The following CARS1 variants were observed in gnomAD, a reference collection of about 807,000 sequenced individuals.
CARS1 encodes cysteine--tRNA ligase, cytoplasmic.
CARS1 carries 48 observed loss-of-function variants against 106.2 expected under a neutral mutation model. That is an observed-to-expected ratio of 0.45 (90% confidence interval 0.36 to 0.57). The LOEUF (loss-of-function observed/expected upper bound fraction) is 0.57. Among genes scored for constraint, CARS1 ranks in the 20% least tolerant of loss-of-function variants. The pLI is 0.00. For synonymous variants in CARS1, 409 were observed against 403.4 expected (o/e 1.01, Z -0.17); for missense variants, 968 against 1,057.2 (o/e 0.92, Z 1.17).
Position 3,001,988 on chromosome 11 carries a change from G to A in CARS1, c.2343C>T (p.Tyr781=). The A allele has an allele frequency of 6.2e-7, 1 of 1,613,166 alleles. No individual in the cohort carries two copies. Among genetic ancestry groups the A allele is most frequent in the Non-Finnish European group, 8.5e-7 (1 of 1,179,186 alleles). ...TGCTTACATTTTCATCAAACTTGGA[G>A]TATTTGTCGGTTTCTGACAAGAACA... ...SEMFLSETDK[Y]SKFDENGLPT... Residue 781 remains tyrosine, a synonymous_variant, in exon 22 of 23, where the codon TAC becomes TAT. Coordinates refer to ENST00000380525, the MANE Select transcript of CARS1 (RefSeq NM_001014437.3).
intron 1 of CARS1, among the ~76,000 whole-genome samples, chr11:3,049,800 G>A (rs947947235): frequency 2.6e-5 from 4 of 152,260 alleles, no homozygotes; most frequent in Admixed American, 6.5e-5. Flanking sequence ...CCCCATCTCC[G>A]TGTTTACTCC....
At position 3,000,979 on chromosome 11, in the gene CARS1, G is replaced by A. The variant is rs919910571; in HGVS notation, c.*135C>T. ...AATGTCTCAGAGCCAACGACGACAC[G>A]AACCTACATGAACACAACTCTTAAT... On this transcript the variant is annotated 3_prime_UTR_variant, in exon 23 of 23. Transcript: ENST00000380525. The surrounding 1 kb of genome is among the most constrained non-coding windows in gnomAD (Gnocchi z 7.1). 1.0e-5 allele frequency: 10 copies of A among 979,730 alleles called. No individual in the cohort carries two copies. Among genetic ancestry groups the A allele is most frequent in the East Asian group, 7.2e-5 (3 of 41,516 alleles). 60.7% of individuals were successfully genotyped at this position (979,730 alleles called of 1,614,324 possible).
Position 3,034,976 on chromosome 11 carries a change from A to G in CARS1, c.801+3074T>C, listed in dbSNP as rs1453854927. Among the ~76,000 whole-genome samples the G allele has an allele frequency of 1.3e-5, 2 of 152,114 alleles. No homozygotes were observed. The highest frequency in any genetic ancestry group is 1.9e-4 in the East Asian group (1 of 5,198). The stretch of plus-strand genomic sequence containing the variant: ...GTCCCAAGGTGGCGCAGAGCATCAC[A>G]TGGCCAGGGGGCTCATGAGGGCCAA... On this transcript the variant is annotated intron_variant, in intron 7 of 22. Coordinates refer to ENST00000380525, the MANE Select transcript of CARS1 (RefSeq NM_001014437.3). The surrounding 1 kb of genome is among the most constrained non-coding windows in gnomAD (Gnocchi z 6.3).
In CARS1 at chr11:3,029,605, G is replaced by A; in HGVS notation, c.802-162C>T. Reference sequence around the variant, plus strand: ...GGGAGACTGTGATGCTTACACAACTGGCTCGGCAGGGACAAATACAAGACT... The same window carrying A: ...GGGAGACTGTGATGCTTACACAACTAGCTCGGCAGGGACAAATACAAGACT... On this transcript the variant is annotated intron_variant, in intron 7 of 22. Coordinates refer to ENST00000380525, the MANE Select transcript of CARS1 (RefSeq NM_001014437.3). This position sits in a 1 kb window ranked among gnomAD's most constrained non-coding sequence, Gnocchi z 5.9. 2 of 667,798 alleles carry A rather than the reference G, an allele frequency of 3.0e-6. No homozygotes were observed. The highest frequency in any genetic ancestry group is 2.7e-5 in the East Asian group (1 of 36,522). The allele number at this position is 667,798 out of a possible 1,614,324, so 41.4% of individuals were successfully genotyped here.
At chr11:3,036,690 TGAAA>T (rs955534151) in intron 7 of CARS1, among the ~76,000 whole-genome samples, 6 of 152,108 alleles carry the variant, frequency 3.9e-5, no homozygotes, top group Non-Finnish European at 7.4e-5. Flanking sequence ...CCAAAAGAAG[TGAAA>T]GCAGGAACCC....
At chr11:3,002,089 A>C in intron 21 of CARS1, 36 bp from the exon 22 acceptor site, 1 of 1,415,352 alleles carries the variant, frequency 7.1e-7, no homozygotes, top group Non-Finnish European at 1.0e-6. Flanking sequence ...ACTGCCCCCG[A>C]GCAGCACCTG....
chr11:3,054,309 G>A (rs538990104), intron 1 of CARS1, among the ~76,000 whole-genome samples: 23 of 152,166 alleles, frequency 1.5e-4, no homozygotes, highest in Admixed American at 2.6e-4. Context: ...ATTATTAGGG[G>A]CATCCAACAT....
Position 3,029,030 on chromosome 11 carries a change from T to C in CARS1, c.997A>G (p.Asn333Asp), listed in dbSNP as rs74895482. ...TTGTCCACAATCTTCTGGACAAAGT[T>C]CACAATTTCTGGCACATACTCACTA... ...RVSEYVPEIV[N>D]FVQKIVDNGY... The change falls in exon 9 of 23, where the codon AAC becomes GAC. Residue 333 changes from asparagine to aspartate, a missense_variant. Physicochemically the swap from Asn to Asp is conservative, Grantham distance 23 (BLOSUM62 1). Transcript: ENST00000380525. The surrounding 1 kb of genome is among the most constrained non-coding windows in gnomAD (Gnocchi z 5.9). 158 of 1,614,020 alleles carry C rather than the reference T, an allele frequency of 9.8e-5. No homozygotes were observed. The highest frequency in any genetic ancestry group is 1.3e-4 in the Non-Finnish European group (151 of 1,179,908).
In CARS1 at chr11:3,020,531, G is replaced by A. The variant is rs755948147; in HGVS notation, c.1154-199C>T. On this transcript the variant is annotated intron_variant, in intron 10 of 22. Transcript: ENST00000380525. The surrounding 1 kb of genome is among the most constrained non-coding windows in gnomAD (Gnocchi z 4.6). ...GACCCAGTGTCTAGATTTACAAAAC[G>A]GTACATAATCCCCAAAGTCACCAGC... is the stretch of plus-strand genomic sequence containing the variant. 2.0e-5 allele frequency among the ~76,000 whole-genome samples: 3 copies of A among 152,116 alleles called. No homozygotes were observed. Among genetic ancestry groups the A allele is most frequent in the Non-Finnish European group, 4.4e-5 (3 of 68,014 alleles).
rs761039152 is a variant in CARS1 at position 3,003,028 on chromosome 11, G to A, written c.2218-428C>T. 9.9e-5 allele frequency among the ~76,000 whole-genome samples: 15 copies of A among 152,220 alleles called. No individual in the cohort carries two copies. Among genetic ancestry groups the A allele is most frequent in the Non-Finnish European group, 1.0e-4 (7 of 68,048 alleles). On this transcript the variant is annotated intron_variant, in intron 20 of 22. Transcript: ENST00000380525. This position sits in a 1 kb window ranked among gnomAD's most constrained non-coding sequence, Gnocchi z 4.8. ...TACCTGGGAAGGAGCAAGAGCGCCAGGGCAGGATGGGGATGGTGGGCGGAG... is the reference window on the plus strand; with the variant it reads ...TACCTGGGAAGGAGCAAGAGCGCCAAGGCAGGATGGGGATGGTGGGCGGAG...
chr11:3,042,699 T>C (rs1237353858), intron 2 of CARS1, among the ~76,000 whole-genome samples: 1 of 152,174 alleles, frequency 6.6e-6, no homozygotes, highest in African/African-American at 2.4e-5. Flanking sequence ...CCTGGGTCAG[T>C]CAGGGCTTGA....
At chr11:3,015,308 G>C (rs537288013) in intron 17 of CARS1, among the ~76,000 whole-genome samples, 2 of 152,358 alleles carry the variant, frequency 1.3e-5, no homozygotes, top group East Asian at 3.9e-4. Flanking sequence ...TCAGGACTGG[G>C]CCTGTTAGGG....
intron 10 of CARS1, among the ~76,000 whole-genome samples, chr11:3,023,480 G>A (rs1040446455): frequency 6.6e-6 from 1 of 152,050 alleles, no homozygotes; most frequent in Non-Finnish European, 1.5e-5. Context: ...CTACAGCCTC[G>A]ACCTCCCTGG....
At chr11:3,016,199 G>A (rs559263505) in intron 16 of CARS1, among the ~76,000 whole-genome samples, 1 of 151,796 alleles carries the variant, frequency 6.6e-6, no homozygotes, top group East Asian at 1.9e-4. Context: ...CAGAGAGGAG[G>A]CCTTGTCCCT....
intron 14 of CARS1, 95 bp from the exon 15 acceptor site, chr11:3,018,049 TAA>T (rs1157834604): frequency 8.8e-6 from 7 of 798,288 alleles, no homozygotes; most frequent in Non-Finnish European, 1.4e-5. Context: ...TTATTTTTGG[TAA>T]AAATCTGAAA....
intron 16 of CARS1, 50 bp from the exon 17 acceptor site, chr11:3,015,899 C>T (rs1307715688): frequency 6.7e-7 from 1 of 1,493,216 alleles, no homozygotes; most frequent in Admixed American, 1.7e-5. Flanking sequence ...ATGAAGGCGG[C>T]ATGTGGCGAG....
In CARS1 at chr11:3,028,198, C is replaced by T. The variant is rs188051438; in HGVS notation, c.1031+798G>A. 175 of 342,906 alleles carry T rather than the reference C, an allele frequency of 5.1e-4. No homozygotes were observed. Among genetic ancestry groups the T allele is most frequent in the African/African-American group, 3.3e-3 (154 of 46,474 alleles). 21.2% of individuals were successfully genotyped at this position (342,906 alleles called of 1,614,324 possible). On this transcript the variant is annotated intron_variant, in intron 9 of 22. Transcript: ENST00000380525. The surrounding 1 kb of genome is among the most constrained non-coding windows in gnomAD (Gnocchi z 4.4). The stretch of plus-strand genomic sequence containing the variant: ...GGAAGGGCCCCCTGTCCAGTGGACA[C>T]GTGACCCACGTGGCCTTACCTATCA...
Position 3,048,056 on chromosome 11 carries a change from C to T in CARS1, c.26-55G>A, listed in dbSNP as rs966410397. 4.4e-6 allele frequency: 7 copies of T among 1,587,626 alleles called. No individual in the cohort carries two copies. In the African/African-American group the frequency reaches 5.4e-5, roughly 12 times the overall value. ...GCAGGCAGGCGGGCAGCCCAGAGGC[C>T]GCCAGAAAGACAGGGACTAGGGGAT... On this transcript the variant is annotated intron_variant, in intron 1 of 22. Transcript: ENST00000380525. The surrounding 1 kb of genome is among the most constrained non-coding windows in gnomAD (Gnocchi z 5.1).
chr11:3,007,564 A>C (rs867790350), intron 18 of CARS1: 1 of 152,850 alleles, frequency 6.5e-6, no homozygotes, highest in Middle Eastern at 3.4e-3. Context: ...GCAGCTGTAA[A>C]GGCGGGGCTG....
Sources: allele counts gnomAD v4.1 joint callset (sites outside exome capture counted in the v4.1 genomes callset), GRCh38; gene constraint gnomAD v4.1.1; non-coding constraint Gnocchi (gnomAD v3.1); transcripts MANE v1.5; gene names NCBI Gene and HGNC (gene_info 2026-07-23, HGNC 2026-07-21).